The following TENM1 variants were observed in gnomAD, a reference collection of about 807,000 sequenced individuals.
TENM1 encodes the protein teneurin transmembrane protein 1.
In TENM1, 35 loss-of-function variants were observed where a neutral mutation model predicts 174.8. The ratio of observed to expected loss-of-function variants is 0.20; its 90% confidence interval spans 0.15 to 0.27. The LOEUF (loss-of-function observed/expected upper bound fraction) is 0.27, where lower values mean the gene tolerates loss of function less well. Among genes scored for constraint, TENM1 ranks in the 10% least tolerant of loss-of-function variants. The probability of loss-of-function intolerance (pLI) is 1.00; values close to 1 mark genes in which losing one functional copy is unlikely to be tolerated. For synonymous variants in TENM1, 781 were observed against 798.7 expected (o/e 0.98, Z 0.37); for missense variants, 1,633 against 2,130.1 (o/e 0.77, Z 4.59).
intron 1 of TENM1, among the ~76,000 whole-genome samples, chrX:124,908,525 GTATTCCATGA>G (rs762696513): frequency 9.0e-6 from 1 of 111,215 alleles, no homozygotes; most frequent in South Asian, 3.9e-4. Context: ...TGGCTACATA[GTATTCCATGA>G]TATATATGTA....
the TENM1 span, among the ~76,000 whole-genome samples, chrX:125,182,352 C>A: frequency 1.2e-4 from 13 of 105,547 alleles, no homozygotes; most frequent in Non-Finnish European, 2.1e-4. Flanking sequence ...CGATTAGTAA[C>A]CTTAATTCCA....
intron 28 of TENM1, among the ~76,000 whole-genome samples, chrX:124,388,466 C>T (rs761176379): frequency 1.8e-5 from 2 of 112,259 alleles, no homozygotes; most frequent in South Asian, 7.4e-4. Context: ...GCCAAAATAC[C>T]ATTTAGCTCT....
chrX:125,084,016 T>C, the TENM1 span, among the ~76,000 whole-genome samples: 2 of 111,663 alleles, frequency 1.8e-5, no homozygotes, highest in Non-Finnish European at 3.8e-5. Flanking sequence ...TCTCAGCTGT[T>C]TTAGCTGTGT....
intron 11 of TENM1, among the ~76,000 whole-genome samples, chrX:124,638,019 A>C (rs2050921189): frequency 8.9e-6 from 1 of 112,311 alleles, no homozygotes; most frequent in South Asian, 3.7e-4. Flanking sequence ...GGAACATTTA[A>C]TGAATATTGA....
At chrX:124,407,631 C>A (rs2060477895) in intron 25 of TENM1, among the ~76,000 whole-genome samples, 1 of 112,006 alleles carries the variant, frequency 8.9e-6, no homozygotes, top group Non-Finnish European at 1.9e-5. Flanking sequence ...ACTATACCAG[C>A]CTTTGGAAGG....
At chrX:124,662,758 C>T (rs138677240) in intron 6 of TENM1, among the ~76,000 whole-genome samples, 1,752 of 111,630 alleles carry the variant, frequency 0.016, 16 homozygotes, top group African/African-American at 0.024. Context: ...CAGAAACAGT[C>T]GTATTTTAAT....
chrX:124,495,311 C>A (rs1353773211), intron 20 of TENM1, among the ~76,000 whole-genome samples: 2 of 109,506 alleles, frequency 1.8e-5, no homozygotes, highest in Non-Finnish European at 3.8e-5. Flanking sequence ...TAAATGTCTT[C>A]TTTTGAGAGG....
chrX:124,454,497 G>A (rs1371100990), intron 22 of TENM1, among the ~76,000 whole-genome samples: 1 of 110,793 alleles, frequency 9.0e-6, no homozygotes, highest in African/African-American at 3.3e-5. Flanking sequence ...TCCGCCTCCT[G>A]GGTTCAAGTG....
the TENM1 span, among the ~76,000 whole-genome samples, chrX:124,974,201 C>T: frequency 8.9e-6 from 1 of 111,785 alleles, no homozygotes; most frequent in Non-Finnish European, 1.9e-5. Flanking sequence ...AACCCACGCT[C>T]ATCATAATGG....
At chrX:125,060,181 TCACACACACA>T in the TENM1 span, among the ~76,000 whole-genome samples, 8,405 of 93,697 alleles carry the variant, frequency 0.09, 1,080 homozygotes, top group African/African-American at 0.34. Flanking sequence ...TCTCTCTCTC[TCACACACACA>T]CACACACACA....
chrX:124,970,738 A>C, the TENM1 span, among the ~76,000 whole-genome samples: 1 of 111,585 alleles, frequency 9.0e-6, no homozygotes, highest in Non-Finnish European at 1.9e-5. Flanking sequence ...TGATTCCTCA[A>C]GGATCTAGCA....
chrX:125,167,329 C>G, the TENM1 span, among the ~76,000 whole-genome samples: 1 of 111,338 alleles, frequency 9.0e-6, no homozygotes, highest in East Asian at 2.8e-4. Flanking sequence ...GAAGTGGTCC[C>G]TCTAGGTGAG....
At chrX:124,978,683 G>C in the TENM1 span, among the ~76,000 whole-genome samples, 3 of 111,808 alleles carry the variant, frequency 2.7e-5, no homozygotes, top group African/African-American at 9.7e-5. Context: ...GCTGGTCAAT[G>C]ATTGCGCAGA....
chrX:125,061,361 C>T, the TENM1 span, among the ~76,000 whole-genome samples: 11 of 111,815 alleles, frequency 9.8e-5, no homozygotes, highest in African/African-American at 3.6e-4. Flanking sequence ...TGCATACCTC[C>T]TCTAGGAGAA....
Position 124,561,257 on chromosome X carries a change from G to A in TENM1, c.2434+414C>T, listed in dbSNP as rs368913291. 2.0e-4 allele frequency among the ~76,000 whole-genome samples: 22 copies of A among 111,270 alleles called. No individual in the cohort carries two copies. In the South Asian group the frequency reaches 7.3e-3, roughly 37 times the overall value. On this transcript the variant is annotated intron_variant, in intron 14 of 31. Coordinates refer to ENST00000422452, the Ensembl canonical transcript of TENM1. ...ATGCCATGGGTATGGGAGGTAGCAT[G>A]GTGTAGTAGTTGAGAAAATATGCTC... is the stretch of plus-strand genomic sequence containing the variant.
chrX:124,511,977 A>C (rs2047594724), intron 18 of TENM1, among the ~76,000 whole-genome samples: 1 of 112,132 alleles, frequency 8.9e-6, no homozygotes. Flanking sequence ...ATAATTATGC[A>C]ATTGTTGTTG....
At chrX:125,074,424 C>T in the TENM1 span, among the ~76,000 whole-genome samples, 3,168 of 109,860 alleles carry the variant, frequency 0.029, 51 homozygotes, top group Admixed American at 0.067. Flanking sequence ...CCATACCACA[C>T]CATATCCTAC....
intron 3 of TENM1, among the ~76,000 whole-genome samples, chrX:124,805,479 A>T (rs1437553055): frequency 3.5e-5 from 4 of 113,019 alleles, no homozygotes; most frequent in South Asian, 3.7e-4. Context: ...GATAAGATTT[A>T]AAAAAGTGAA....
At chrX:124,549,682 A>G (rs1465585560) in intron 14 of TENM1, among the ~76,000 whole-genome samples, 1 of 111,047 alleles carries the variant, frequency 9.0e-6, no homozygotes, top group Non-Finnish European at 1.9e-5. Flanking sequence ...CTGTTTTCTG[A>G]GACATCAGCA....
Sources: allele counts gnomAD v4.1 joint callset (sites outside exome capture counted in the v4.1 genomes callset), GRCh38; gene constraint gnomAD v4.1.1; transcripts MANE v1.5; gene names NCBI Gene and HGNC (gene_info 2026-07-23, HGNC 2026-07-21).